Variants in GAL3ST4 observed in about 807,000 individuals in gnomAD.
The protein encoded by GAL3ST4 is beta-galactose-3-O-sulfotransferase 4.
A neutral mutation model predicts 31.6 loss-of-function variants in GAL3ST4; 30 were observed. The observed-to-expected ratio is 0.95, with a 90% CI of 0.71 to 1.29. The LOEUF (loss-of-function observed/expected upper bound fraction) is 1.29. Ranked by LOEUF, GAL3ST4 falls within the 50% of genes most tolerant of loss-of-function variation. The pLI is 0.00. For synonymous variants in GAL3ST4, 248 were observed against 256.9 expected, an observed-to-expected ratio of 0.97 and a Z score of 0.33; for missense variants, 629 against 625.2, an observed-to-expected ratio of 1.01 and a Z score of -0.06.
rs150936564 is a variant in GAL3ST4, at chr7:100,160,160, C to A, written c.1229G>T (p.Gly410Val). Residue 410 changes from glycine (G) to valine (V), a missense_variant, in exon 4 of 4, where the codon GGG becomes GTG. Coordinates refer to ENST00000360039, the MANE Select transcript of GAL3ST4 (RefSeq NM_024637.5). The part of the protein sequence containing the change: ...REALAKHCLV[G>V]GEASDPKYIT... ...GTATTTGGGGTCAGAAGCCTCACCCCCTACCAGACAATGTTTCGCTAGGGC... is the reference window on the plus strand; with the variant it reads ...GTATTTGGGGTCAGAAGCCTCACCCACTACCAGACAATGTTTCGCTAGGGC... 15 of 1,613,928 alleles carry A rather than the reference C, an allele frequency of 9.3e-6. No individual in the cohort carries two copies. The African/African-American group carries it at 9.3e-5, about 10-fold the overall frequency.
rs140509773 is a variant in GAL3ST4 at position 100,160,018 on chromosome 7, A to T, written c.1371T>A (p.Pro457=). ...CCAGCTTGTCCTTGTACTGGAGCTC[A>T]GGGGTAGCTAGGCGCTCACATTCCT... ...DQEECERLAT[P]ELQYKDKLDA... is the part of the protein sequence containing the mutation. Residue 457 remains proline, a synonymous_variant, in exon 4 of 4, where the codon CCT becomes CCA. Transcript: ENST00000360039. The T allele has an allele frequency of 2.1e-5, 34 of 1,613,990 alleles. No individual in the cohort carries two copies. In the African/African-American group the frequency reaches 3.7e-4, roughly 18 times the overall value.
chr7:100,160,147 A>G lies in GAL3ST4; in HGVS notation c.1242T>C (p.Ser414=), dbSNP rs1798973248. The G allele has an allele frequency of 1.9e-6, 3 of 1,613,890 alleles. No homozygotes were observed. Among genetic ancestry groups the G allele is most frequent in the Non-Finnish European group, 2.5e-6 (3 of 1,179,794 alleles). Residue 414 remains serine (S), a synonymous_variant, in exon 4 of 4, where the codon TCT becomes TCC. Coordinates refer to ENST00000360039, the MANE Select transcript of GAL3ST4 (RefSeq NM_024637.5). ...GGCGATCAGTGATGTATTTGGGGTC[A>G]GAAGCCTCACCCCCTACCAGACAAT... ...AKHCLVGGEA[S]DPKYITDRRF...
rs558425265 is a variant in GAL3ST4 at position 100,163,454 on chromosome 7, GAA to G, written c.430-2497_430-2496del. 3.7e-4 allele frequency among the ~76,000 whole-genome samples: 55 copies of G among 150,076 alleles called. 2 individuals carry two copies. In the East Asian group the frequency reaches 0.01, roughly 29 times the overall value. On this transcript the variant is annotated intron_variant, in intron 3 of 3. Coordinates refer to ENST00000360039, the MANE Select transcript of GAL3ST4 (RefSeq NM_024637.5). ...TCGGCTCTGCAAGTATGGCACACCTGAATAGCAGCCTGTGAACTCTCTTTTTT... is the reference window on the plus strand; with the variant it reads ...TCGGCTCTGCAAGTATGGCACACCTGTAGCAGCCTGTGAACTCTCTTTTTT...
In GAL3ST4 at chr7:100,160,351, A is replaced by G. The variant is rs1419281956; in HGVS notation, c.1038T>C (p.Ser346=). Residue 346 remains serine (S), a synonymous_variant, in exon 4 of 4, where the codon AGT becomes AGC. Transcript: ENST00000360039. ...GCTGCCGGTCCTCCGCAGTCAGTCC[A>G]CTGTTGCTGACAGTGCTGAGGCCCT... The part of the protein sequence containing the change: ...HKQGLSTVSN[S]GLTAEDRQLT... 13 of 1,613,836 alleles carry G rather than the reference A, an allele frequency of 8.1e-6. No homozygotes were observed. The highest frequency in any genetic ancestry group is 1.6e-4 in the Middle Eastern group (1 of 6,084).
At chr7:100,162,965 G>A (rs531325276) in intron 3 of GAL3ST4, among the ~76,000 whole-genome samples, 20 of 152,234 alleles carry the variant, frequency 1.3e-4, no homozygotes, top group Admixed American at 9.2e-4. Flanking sequence ...TAATTTCCTC[G>A]GGCATTTCTG....
chr7:100,161,037 C>T (rs187590946), intron 3 of GAL3ST4, 78 bp from the exon 4 acceptor site: 28 of 1,274,718 alleles, frequency 2.2e-5, no homozygotes, highest in Admixed American at 1.1e-4. Flanking sequence ...GCCATGTGTC[C>T]GCTGACCAGC....
In GAL3ST4 at chr7:100,160,173, G is replaced by A; in HGVS notation, c.1216C>T (p.His406Tyr). 6.2e-7 allele frequency: 1 copy of A among 1,614,126 alleles called. No individual in the cohort carries two copies. The highest frequency in any genetic ancestry group is 8.5e-7 in the Non-Finnish European group (1 of 1,179,986). Residue 406 changes from histidine to tyrosine, a missense_variant, in exon 4 of 4, where the codon CAT (histidine) becomes TAT (tyrosine). Transcript: ENST00000360039. The part of the protein sequence containing the change: ...LRARREALAK[H>Y]CLVGGEASDP... Reference sequence around the variant, plus strand: ...GAAGCCTCACCCCCTACCAGACAATGTTTCGCTAGGGCCTCTCGGCGAGCC... The same window carrying A: ...GAAGCCTCACCCCCTACCAGACAATATTTCGCTAGGGCCTCTCGGCGAGCC...
chr7:100,160,996 C>A, intron 3 of GAL3ST4, 37 bp from the exon 4 acceptor site: 2 of 1,522,848 alleles, frequency 1.3e-6, no homozygotes, highest in Non-Finnish European at 1.8e-6. Context: ...GAGAACTGGG[C>A]TGGGGAGAAG....
In GAL3ST4 at chr7:100,160,964, A is replaced by G. The variant is rs1289917038; in HGVS notation, c.430-5T>C. Reference sequence around the variant, plus strand: ...AGAAGGCATGACCTGAAGTACCTGCAGAGGAGGGAAGACAGAAGAGAGAGA... The same window carrying G: ...AGAAGGCATGACCTGAAGTACCTGCGGAGGAGGGAAGACAGAAGAGAGAGA... On this transcript the variant is annotated splice_polypyrimidine_tract_variant and splice_region_variant and intron_variant, in intron 3 of 3. Transcript: ENST00000360039. 1.9e-6 allele frequency: 3 copies of G among 1,573,614 alleles called. No individual in the cohort carries two copies. Among genetic ancestry groups the G allele is most frequent in the Non-Finnish European group, 1.7e-6 (2 of 1,163,002 alleles).
chr7:100,165,858 C>G (rs1348036779), intron 3 of GAL3ST4, among the ~76,000 whole-genome samples: 2 of 151,362 alleles, frequency 1.3e-5, no homozygotes, highest in Non-Finnish European at 2.9e-5. Context: ...CACACACACA[C>G]AGGCTGGGCA....
intron 3 of GAL3ST4, among the ~76,000 whole-genome samples, chr7:100,161,969 G>A (rs1799010701): frequency 6.6e-6 from 1 of 151,964 alleles, no homozygotes; most frequent in Non-Finnish European, 1.5e-5. Flanking sequence ...GCCTGTCGGG[G>A]TGGGGAGCAA....
intron 3 of GAL3ST4, among the ~76,000 whole-genome samples, chr7:100,166,142 C>T (rs536907144): frequency 6.6e-5 from 10 of 152,172 alleles, no homozygotes; most frequent in South Asian, 4.2e-4. Flanking sequence ...CCAGCCTGGG[C>T]GACAGAGTAA....
At chr7:100,165,121 G>A (rs1352432055) in intron 3 of GAL3ST4, among the ~76,000 whole-genome samples, 1 of 151,854 alleles carries the variant, frequency 6.6e-6, no homozygotes, top group Non-Finnish European at 1.5e-5. Context: ...TGATCCACCC[G>A]CCTTGGCCTC....
At chr7:100,164,290 T>C (rs1203412682) in intron 3 of GAL3ST4, among the ~76,000 whole-genome samples, 2 of 152,142 alleles carry the variant, frequency 1.3e-5, no homozygotes, top group Non-Finnish European at 2.9e-5. Flanking sequence ...CACCCCACCA[T>C]GTCCTTGCTG....
chr7:100,167,374 G>A, intron 1 of GAL3ST4, 91 bp from the exon 2 acceptor site: 2 of 610,216 alleles, frequency 3.3e-6, no homozygotes, highest in Non-Finnish European at 5.4e-6. Flanking sequence ...CTCCTTCAGG[G>A]AAGGGGAGTG....
Position 100,160,679 on chromosome 7 carries a change from G to C in GAL3ST4, c.710C>G (p.Pro237Arg). Residue 237 changes from proline to arginine, a missense_variant, in exon 4 of 4, where the codon CCC becomes CGC. By Grantham distance (103) the Pro-to-Arg change is moderately radical. Coordinates refer to ENST00000360039, the MANE Select transcript of GAL3ST4 (RefSeq NM_024637.5). Reference protein sequence around the residue: ...GNIHPPRDPNPPQLQVLPSGA... With the variant: ...GNIHPPRDPNRPQLQVLPSGA... ...AGAAGGCAAGACCTGCAGCTGTGGG[G>C]GGTTGGGGTCTCTGGGGGGATGAAT... 6.2e-7 allele frequency: 1 copy of C among 1,613,920 alleles called. No individual in the cohort carries two copies. The highest frequency in any genetic ancestry group is 8.5e-7 in the Non-Finnish European group (1 of 1,180,030).
chr7:100,165,243 T>C (rs1799054448), intron 3 of GAL3ST4, among the ~76,000 whole-genome samples: 1 of 152,018 alleles, frequency 6.6e-6, no homozygotes, highest in African/African-American at 2.4e-5. Flanking sequence ...CAATCTCGGC[T>C]CACTGCAACC....
Position 100,166,659 on chromosome 7 carries a change from T to A in GAL3ST4, c.272A>T (p.Asp91Val), listed in dbSNP as rs200596626. Residue 91 changes from aspartate to valine, a missense_variant, in exon 3 of 4, where the codon GAC (aspartate) becomes GTC (valine). Coordinates refer to ENST00000360039, the MANE Select transcript of GAL3ST4 (RefSeq NM_024637.5). ...SVLSLLHRYG[D>V]QHGLRFALPA... ...GAGGGCGAAGCGCAGCCCGTGCTGG[T>A]CCCCATAGCGGTGAAGCAGGCTCAG... is the stretch of plus-strand genomic sequence containing the variant. 6.2e-7 allele frequency: 1 copy of A among 1,614,128 alleles called. No homozygotes were observed. Among genetic ancestry groups the A allele is most frequent in the African/African-American group, 1.3e-5 (1 of 75,022 alleles).
chr7:100,159,788 G>A lies in GAL3ST4; in HGVS notation c.*140C>T. The A allele has an allele frequency of 1.4e-6, 1 of 695,354 alleles. No individual in the cohort carries two copies. The highest frequency in any genetic ancestry group is 2.4e-6 in the Non-Finnish European group (1 of 420,222). 43.1% of individuals were successfully genotyped at this position (695,354 alleles called of 1,614,324 possible). A position where few individuals can be genotyped will look rare whatever the true frequency, so the allele number is the denominator to read the frequency against. On this transcript the variant is annotated 3_prime_UTR_variant, in exon 4 of 4. Transcript: ENST00000360039. ...GTGGAGGAGGGAAGCACTGCTGGGA[G>A]CCCAGCGAAGAGGGGGCTTGCATCG...
Sources: gnomAD v4.1 joint callset for allele counts (sites outside exome capture counted in the v4.1 genomes callset) on GRCh38, gnomAD v4.1.1 for gene constraint, MANE v1.5 for transcripts, NCBI Gene and HGNC (gene_info 2026-07-23, HGNC 2026-07-21) for gene names.